The following CADPS variants were observed in gnomAD, a reference collection of about 807,000 sequenced individuals.
The protein encoded by CADPS is calcium dependent secretion activator.
A neutral mutation model predicts 167.3 loss-of-function variants in CADPS; 57 were observed. That is an observed-to-expected ratio of 0.34 (90% CI 0.28 to 0.42). The LOEUF is 0.42. Ranked by LOEUF, CADPS falls within the 20% of genes least tolerant of loss-of-function variation. The probability of loss-of-function intolerance (pLI) is 1.00; values close to 1 mark genes in which losing one functional copy is unlikely to be tolerated. For missense variants in CADPS, 1,414 were observed against 1,738.1 expected, an observed-to-expected ratio of 0.81 and a Z score of 3.32; for synonymous variants, 676 against 635.3, an observed-to-expected ratio of 1.06 and a Z score of -0.96.
At chr3:62,538,382 T>G (rs2075121303) in intron 11 of CADPS, among the ~76,000 whole-genome samples, 1 of 152,114 alleles carries the variant, frequency 6.6e-6, no homozygotes, top group Non-Finnish European at 1.5e-5. Flanking sequence ...ATGACACTCC[T>G]GCAATCCAGG....
rs1032353401 is a variant in CADPS, at chr3:62,523,577, A to G, written c.2292-5327T>C. Among the ~76,000 whole-genome samples the G allele has an allele frequency of 5.9e-5, 9 of 152,300 alleles. 1 individual carries two copies. The highest frequency in any genetic ancestry group is 2.2e-4 in the African/African-American group (9 of 41,576). ...CTTTTGAAAGGTAAGATGTCTCTTC[A>G]AGAGGGTCAGAATGCTAAATTAATT... On this transcript the variant is annotated intron_variant, in intron 13 of 29. Coordinates refer to ENST00000383710, the MANE Select transcript of CADPS (RefSeq NM_003716.4).
rs913269865 is a variant in CADPS, at chr3:62,421,012, A to T, written c.3777+17092T>A. On this transcript the variant is annotated intron_variant, in intron 28 of 29. Coordinates refer to ENST00000383710, the MANE Select transcript of CADPS (RefSeq NM_003716.4). The surrounding 1 kb of genome is among the most constrained non-coding windows in gnomAD (Gnocchi z 4.7). ...CCTCAGACCATTGTCCTTATACAAG[A>T]TACACATTCAACATGCTGGGTGCCC... is the stretch of plus-strand genomic sequence containing the variant. 6.6e-6 allele frequency among the ~76,000 whole-genome samples: 1 copy of T among 152,104 alleles called. No homozygotes were observed. Among genetic ancestry groups the T allele is most frequent in the African/African-American group, 2.4e-5 (1 of 41,434 alleles).
rs548993871 is a variant in CADPS, at chr3:62,557,992, T to C, written c.1645-479A>G. Among the ~76,000 whole-genome samples, 25 of 152,340 alleles carry C rather than the reference T, an allele frequency of 1.6e-4. 1 individual carries two copies. The highest frequency in any genetic ancestry group is 2.9e-4 in the African/African-American group (12 of 41,586). On this transcript the variant is annotated intron_variant, in intron 9 of 29. Coordinates refer to ENST00000383710, the MANE Select transcript of CADPS (RefSeq NM_003716.4). ...CAACATGGGCCTTTTGGTCAGAAGT[T>C]AGAGGCTAGACATTCATTTATTCAT...
Position 62,438,386 on chromosome 3 carries a change from A to G in CADPS, c.3670-175T>C. ...TGGGCTGGTAGGAATTGATATTAGA[A>G]CTGCTTCCTCTTTCCAGAAATCAAG... On this transcript the variant is annotated intron_variant, in intron 27 of 29. Transcript: ENST00000383710. The surrounding 1 kb of genome is among the most constrained non-coding windows in gnomAD (Gnocchi z 4.7). 1 of 548,756 alleles carries G rather than the reference A, an allele frequency of 1.8e-6. No individual in the cohort carries two copies. The highest frequency in any genetic ancestry group is 3.3e-6 in the Non-Finnish European group (1 of 305,666). The allele number at this position is 548,756 out of a possible 1,614,324, so 34.0% of individuals were successfully genotyped here.
At position 62,412,845 on chromosome 3, in the gene CADPS, G is replaced by A. The variant is rs879743601; in HGVS notation, c.3778-9660C>T. The stretch of plus-strand genomic sequence containing the variant: ...ACTATCTAGGGGTCTCTCTCTGGAA[G>A]ACACATCTAGTGGGGAATTTTTAGC... On this transcript the variant is annotated intron_variant, in intron 28 of 29. Transcript: ENST00000383710. This position sits in a 1 kb window ranked among gnomAD's most constrained non-coding sequence, Gnocchi z 4.1. 6.6e-6 allele frequency among the ~76,000 whole-genome samples: 1 copy of A among 152,158 alleles called. No individual in the cohort carries two copies. The highest frequency in any genetic ancestry group is 1.5e-5 in the Non-Finnish European group (1 of 68,026).
At chr3:62,603,599 G>C (rs2060274194) in intron 6 of CADPS, among the ~76,000 whole-genome samples, 1 of 152,098 alleles carries the variant, frequency 6.6e-6, no homozygotes, top group South Asian at 2.1e-4. Context: ...CCTGTATAAT[G>C]GGCTGATTTT....
chr3:62,779,128 TCCG>T (rs1392847426), intron 1 of CADPS: 1 of 175,720 alleles, frequency 5.7e-6, no homozygotes, highest in Non-Finnish European at 1.4e-5. Flanking sequence ...CCTCAGGTGA[TCCG>T]CCTACCTCGG....
At chr3:62,681,296 T>C (rs2151035030) in intron 3 of CADPS, among the ~76,000 whole-genome samples, 1 of 152,186 alleles carries the variant, frequency 6.6e-6, no homozygotes, top group Non-Finnish European at 1.5e-5. Flanking sequence ...GCCCTCTCCA[T>C]CACAGAACCC....
intron 26 of CADPS, among the ~76,000 whole-genome samples, chr3:62,456,839 G>A (rs1331672200): frequency 2.0e-5 from 3 of 151,540 alleles, no homozygotes; most frequent in African/African-American, 7.3e-5. Flanking sequence ...TCAGTAAAAT[G>A]CTCCTGCTGT....
chr3:62,752,795 G>A (rs1241870950), intron 3 of CADPS, among the ~76,000 whole-genome samples: 1 of 152,168 alleles, frequency 6.6e-6, no homozygotes, highest in Non-Finnish European at 1.5e-5. Flanking sequence ...TGCAAAATAG[G>A]CACGTAATAA....
intron 3 of CADPS, among the ~76,000 whole-genome samples, chr3:62,698,067 T>C (rs2080671446): frequency 6.6e-6 from 1 of 152,086 alleles, no homozygotes; most frequent in Non-Finnish European, 1.5e-5. Flanking sequence ...CTGCTGACTA[T>C]TCCTTTTACT....
chr3:62,400,360 G>C (rs1276307427), intron 29 of CADPS, among the ~76,000 whole-genome samples: 2 of 152,162 alleles, frequency 1.3e-5, no homozygotes, highest in East Asian at 3.9e-4. Flanking sequence ...TGTTTTTCTA[G>C]AAATCCTTCA....
At position 62,814,686 on chromosome 3, in the gene CADPS, T is replaced by C. The variant is rs148614908; in HGVS notation, c.442-48702A>G. Among the ~76,000 whole-genome samples the C allele has an allele frequency of 8.3e-3, 1,267 of 152,246 alleles. 18 individuals are homozygous for C. The highest frequency in any genetic ancestry group is 0.028 in the African/African-American group (1,178 of 41,542). ...CTCAAACTTACAATTCCTTAAAAAC[T>C]GTCAAGCCATATTCTGAAAATATAA... On this transcript the variant is annotated intron_variant, in intron 1 of 29. Transcript: ENST00000383710.
intron 24 of CADPS, among the ~76,000 whole-genome samples, chr3:62,468,252 G>A (rs1235367476): frequency 5.3e-5 from 8 of 152,084 alleles, no homozygotes; most frequent in Non-Finnish European, 1.2e-4. Context: ...AGAATCACAT[G>A]CTTACTTTTC....
intron 3 of CADPS, among the ~76,000 whole-genome samples, chr3:62,700,330 C>G (rs753004859): frequency 4.6e-5 from 7 of 152,060 alleles, no homozygotes; most frequent in Non-Finnish European, 7.4e-5. Context: ...GTTTGTGACA[C>G]TGAAAACTTG....
In CADPS at chr3:62,398,866, GT is replaced by G. The variant is rs1164556053; in HGVS notation, c.*539del. On this transcript the variant is annotated 3_prime_UTR_variant, in exon 30 of 30. Transcript: ENST00000383710. ...GGATGGGTTAACAACGACACAAGGG[GT>G]TCATTTTTTGGTTTTAGGGGAACAG... The G allele has an allele frequency of 6.6e-6, 1 of 152,134 alleles. No homozygotes were observed. Among genetic ancestry groups the G allele is most frequent in the African/African-American group, 2.4e-5 (1 of 41,394 alleles). The allele number at this position is 152,134 out of a possible 1,614,324, so 9.4% of individuals were successfully genotyped here.
At chr3:62,575,983 A>G (rs919962931) in intron 8 of CADPS, among the ~76,000 whole-genome samples, 2 of 152,324 alleles carry the variant, frequency 1.3e-5, no homozygotes, top group East Asian at 3.9e-4. Flanking sequence ...GTTTCTGTCT[A>G]GTCAGCTCCG....
At chr3:62,525,981 G>C (rs1419348810) in intron 13 of CADPS, among the ~76,000 whole-genome samples, 1 of 152,080 alleles carries the variant, frequency 6.6e-6, no homozygotes, top group Non-Finnish European at 1.5e-5. Context: ...GTGGACTTGA[G>C]AGATACTTAA....
intron 28 of CADPS, among the ~76,000 whole-genome samples, chr3:62,408,733 C>G (rs529206671): frequency 2.6e-5 from 4 of 152,168 alleles, no homozygotes; most frequent in African/African-American, 9.7e-5. Flanking sequence ...GTTAATGGTA[C>G]ATTTGTTTTC....
Sources: gnomAD v4.1 joint callset for allele counts (sites outside exome capture counted in the v4.1 genomes callset) on GRCh38, gnomAD v4.1.1 for gene constraint, Gnocchi (gnomAD v3.1) non-coding constraint, MANE v1.5 for transcripts, NCBI Gene and HGNC (gene_info 2026-07-23, HGNC 2026-07-21) for gene names.